Variants in GABRA2 observed in about 807,000 individuals in gnomAD.
GABRA2 encodes the protein gamma-aminobutyric acid type A receptor subunit alpha2.
GABRA2 carries 16 observed loss-of-function variants against 48.7 expected under a neutral mutation model. That is an observed-to-expected ratio of 0.33 (90% confidence interval 0.22 to 0.50). The LOEUF is 0.50. GABRA2 is among the 20% of genes least tolerant of loss of function. The probability of loss-of-function intolerance (pLI) is 0.98; values close to 1 mark genes in which losing one functional copy is unlikely to be tolerated. For synonymous variants in GABRA2, 185 were observed against 184.5 expected (o/e 1.00, Z -0.02); for missense variants, 275 against 535.6 (o/e 0.51, Z 4.80).
At chr4:46,291,289 T>C (rs570818279) in intron 8 of GABRA2, among the ~76,000 whole-genome samples, 172 of 152,300 alleles carry the variant, frequency 1.1e-3, no homozygotes, top group Middle Eastern at 3.4e-3. Flanking sequence ...AGTTTTTCTA[T>C]ACTTTTTAGT....
intron 8 of GABRA2, among the ~76,000 whole-genome samples, chr4:46,290,477 C>A (rs912067904): frequency 6.6e-6 from 1 of 151,942 alleles, no homozygotes; most frequent in Admixed American, 6.6e-5. Flanking sequence ...GTGGACAAGT[C>A]TTTCACCTTT....
At chr4:46,335,159 AAAAG>A (rs1732005476) in intron 3 of GABRA2, among the ~76,000 whole-genome samples, 1 of 152,122 alleles carries the variant, frequency 6.6e-6, no homozygotes, top group Non-Finnish European at 1.5e-5. Context: ...AGAAAAAGGG[AAAAG>A]AAAGGAATGG....
chr4:46,389,242 C>A, intron 1 of GABRA2: 4 of 985,620 alleles, frequency 4.1e-6, no homozygotes, highest in Non-Finnish European at 4.8e-6. Flanking sequence ...CAGTGAACTG[C>A]GGTCCTCACG....
chr4:46,267,175 T>A (rs1403289885), intron 8 of GABRA2, among the ~76,000 whole-genome samples: 1 of 152,082 alleles, frequency 6.6e-6, no homozygotes, highest in Non-Finnish European at 1.5e-5. Flanking sequence ...TATTCAACAA[T>A]CTTAATTGGC....
intron 7 of GABRA2, 132 bp downstream of exon 7, chr4:46,305,436 C>T: frequency 1.3e-6 from 1 of 744,032 alleles, no homozygotes; most frequent in Non-Finnish European, 2.2e-6. Flanking sequence ...AAACAAGCTC[C>T]CAAGCACAGC....
intron 8 of GABRA2, among the ~76,000 whole-genome samples, chr4:46,302,316 C>A (rs187375178): frequency 6.0e-4 from 91 of 152,198 alleles, no homozygotes; most frequent in Admixed American, 5.6e-3. Context: ...CCTTCTTGGC[C>A]TCCAACGTGC....
At chr4:46,258,575 T>C (rs751661314) in intron 9 of GABRA2, among the ~76,000 whole-genome samples, 17 of 151,746 alleles carry the variant, frequency 1.1e-4, no homozygotes, top group Non-Finnish European at 2.5e-4. Context: ...TTGACTGTCT[T>C]TAGGGATAAA....
intron 4 of GABRA2, among the ~76,000 whole-genome samples, chr4:46,331,345 G>A (rs1274799359): frequency 1.3e-5 from 2 of 152,142 alleles, no homozygotes. Context: ...AAATCTCTGA[G>A]GTCAGAGGTG....
intron 8 of GABRA2, among the ~76,000 whole-genome samples, chr4:46,288,917 A>T (rs1461555876): frequency 6.6e-6 from 1 of 152,122 alleles, no homozygotes; most frequent in Non-Finnish European, 1.5e-5. Context: ...ACACTTTTTG[A>T]AGGAAGGTGT....
intron 2 of GABRA2, among the ~76,000 whole-genome samples, chr4:46,388,265 A>C (rs1340840208): frequency 6.6e-6 from 1 of 152,170 alleles, no homozygotes; most frequent in African/African-American, 2.4e-5. Context: ...TAACACTCAA[A>C]TCACTTAGCT....
intron 3 of GABRA2, among the ~76,000 whole-genome samples, chr4:46,360,860 CA>C (rs1713065881): frequency 6.6e-6 from 1 of 152,170 alleles, no homozygotes; most frequent in African/African-American, 2.4e-5. Flanking sequence ...GGAACTGGAG[CA>C]AAGATGACTC....
At chr4:46,362,731 C>T (rs991445056) in intron 3 of GABRA2, among the ~76,000 whole-genome samples, 6 of 152,124 alleles carry the variant, frequency 3.9e-5, no homozygotes, top group Non-Finnish European at 5.9e-5. Context: ...TAAGTAGCTG[C>T]CATATGGTTG....
intron 3 of GABRA2, among the ~76,000 whole-genome samples, chr4:46,347,482 C>T (rs1734339666): frequency 6.6e-6 from 1 of 151,792 alleles, no homozygotes. Context: ...TTGAAGAACA[C>T]ATTTTGGGGA....
At chr4:46,324,674 C>G (rs768695515) in intron 4 of GABRA2, among the ~76,000 whole-genome samples, 4 of 151,578 alleles carry the variant, frequency 2.6e-5, no homozygotes, top group Non-Finnish European at 4.4e-5. Flanking sequence ...TTTTGTCACC[C>G]GGGTAGTGAA....
intron 8 of GABRA2, among the ~76,000 whole-genome samples, chr4:46,264,907 A>G (rs1156271878): frequency 2.0e-5 from 3 of 150,228 alleles, no homozygotes; most frequent in African/African-American, 7.3e-5. Flanking sequence ...GGTCATGTGT[A>G]GTAGTTTCTA....
chr4:46,262,061 A>G lies in GABRA2; in HGVS notation c.924T>C (p.Ala308=). ...TAAACCAGTCCATGGCAGTTGCATAAGCCACTTTGGGGAGAGAATTCCGAG... is the reference window on the plus strand; with the variant it reads ...TAAACCAGTCCATGGCAGTTGCATAGGCCACTTTGGGGAGAGAATTCCGAG... ...ISARNSLPKV[A]YATAMDWFIA... is the part of the protein sequence containing the mutation. Residue 308 remains alanine, a synonymous_variant, in exon 9 of 10, where the codon GCT becomes GCC. Transcript: ENST00000381620. The G allele has an allele frequency of 6.2e-7, 1 of 1,613,796 alleles. No homozygotes were observed. Among genetic ancestry groups the G allele is most frequent in the Non-Finnish European group, 8.5e-7 (1 of 1,179,828 alleles).
chr4:46,310,061 G>T, intron 6 of GABRA2, 112 bp downstream of exon 6: 1 of 694,522 alleles, frequency 1.4e-6, no homozygotes, highest in South Asian at 2.0e-5. Flanking sequence ...AAGTCTTATT[G>T]ACAATTGTCA....
chr4:46,372,133 T>A (rs1156751074), intron 3 of GABRA2, among the ~76,000 whole-genome samples: 1 of 152,204 alleles, frequency 6.6e-6, no homozygotes, highest in Non-Finnish European at 1.5e-5. Flanking sequence ...AAGAAGTAAC[T>A]TTTCTATTAG....
At chr4:46,360,012 A>C (rs1391588212) in intron 3 of GABRA2, among the ~76,000 whole-genome samples, 7 of 152,200 alleles carry the variant, frequency 4.6e-5, no homozygotes, top group Non-Finnish European at 1.5e-5. Context: ...ATTAGTAAAA[A>C]GGGGATTACT....
Sources: gnomAD v4.1 joint callset for allele counts (sites outside exome capture counted in the v4.1 genomes callset) on GRCh38, gnomAD v4.1.1 for gene constraint, MANE v1.5 for transcripts, NCBI Gene and HGNC (gene_info 2026-07-23, HGNC 2026-07-21) for gene names.